Variants in KCTD8 observed in about 807,000 individuals in gnomAD.
KCTD8 encodes BTB/POZ domain-containing protein KCTD8.
A neutral mutation model predicts 31.5 loss-of-function variants in KCTD8; 27 were observed. The ratio of observed to expected loss-of-function variants is 0.86; its 90% confidence interval spans 0.63 to 1.18. The LOEUF (loss-of-function observed/expected upper bound fraction) is 1.18, where lower values mean the gene tolerates loss of function less well. Among genes scored for constraint, KCTD8 ranks in the 50% most tolerant of loss-of-function variants. The pLI is 0.00. For synonymous variants in KCTD8, 290 were observed against 280.0 expected, an observed-to-expected ratio of 1.04 and a Z score of -0.36; for missense variants, 658 against 647.7, an observed-to-expected ratio of 1.02 and a Z score of -0.17.
At chr4:44,339,253 C>T (rs1433950776) in intron 1 of KCTD8, among the ~76,000 whole-genome samples, 2 of 152,008 alleles carry the variant, frequency 1.3e-5, no homozygotes, top group Admixed American at 1.3e-4. Context: ...AGAAGAATCC[C>T]TCAAATCACA....
intron 1 of KCTD8, among the ~76,000 whole-genome samples, chr4:44,400,886 G>T (rs1720633725): frequency 6.6e-6 from 1 of 151,790 alleles, no homozygotes; most frequent in African/African-American, 2.4e-5. Flanking sequence ...ATCCAGGCTG[G>T]ACTACAGTGG....
At chr4:44,389,576 G>A (rs1270250179) in intron 1 of KCTD8, among the ~76,000 whole-genome samples, 1 of 151,758 alleles carries the variant, frequency 6.6e-6, no homozygotes, top group African/African-American at 2.4e-5. Flanking sequence ...GTGGTTGCCA[G>A]GAGCTGGGGG....
chr4:44,371,810 T>C, intron 1 of KCTD8, among the ~76,000 whole-genome samples: 1 of 152,128 alleles, frequency 6.6e-6, no homozygotes, highest in Non-Finnish European at 1.5e-5. Context: ...TGAATATATC[T>C]CATTTGTTAG....
chr4:44,217,938 A>G lies in KCTD8; in HGVS notation c.962-42688T>C, dbSNP rs141904053. ...GGCTTCTTTCTCCCTCAGCTTTCAG[A>G]TGGCTTACCATGGGACTTCACCTTG... is the stretch of plus-strand genomic sequence containing the variant. On this transcript the variant is annotated intron_variant, in intron 1 of 1. Coordinates refer to ENST00000360029, the MANE Select transcript of KCTD8 (RefSeq NM_198353.3). 9.9e-4 allele frequency among the ~76,000 whole-genome samples: 150 copies of G among 152,010 alleles called. 2 individuals carry two copies. The East Asian group carries it at 0.029, about 29-fold the overall frequency.
chr4:44,371,823 A>G (rs927665402), intron 1 of KCTD8, among the ~76,000 whole-genome samples: 2 of 152,154 alleles, frequency 1.3e-5, no homozygotes, highest in Non-Finnish European at 2.9e-5. Flanking sequence ...TTTGTTAGGT[A>G]TCCAAAAGCA....
intron 1 of KCTD8, among the ~76,000 whole-genome samples, chr4:44,272,258 T>C (rs531935144): frequency 1.3e-5 from 2 of 151,786 alleles, no homozygotes; most frequent in East Asian, 1.9e-4. Context: ...AAAGTAACTA[T>C]ACAAAAATTA....
At chr4:44,269,770 G>A (rs1307105925) in intron 1 of KCTD8, among the ~76,000 whole-genome samples, 2 of 152,072 alleles carry the variant, frequency 1.3e-5, no homozygotes, top group Non-Finnish European at 2.9e-5. Flanking sequence ...CATTTATGCA[G>A]CCAACAGACA....
intron 1 of KCTD8, among the ~76,000 whole-genome samples, chr4:44,415,380 G>T (rs1485209410): frequency 6.6e-6 from 1 of 152,144 alleles, no homozygotes; most frequent in Non-Finnish European, 1.5e-5. Context: ...CAAGCAGGCT[G>T]CAGAGAAACC....
At chr4:44,391,840 A>G (rs573461030) in intron 1 of KCTD8, among the ~76,000 whole-genome samples, 1 of 152,098 alleles carries the variant, frequency 6.6e-6, no homozygotes, top group African/African-American at 2.4e-5. Context: ...TATAATGAGT[A>G]GACAAAGTTA....
intron 1 of KCTD8, among the ~76,000 whole-genome samples, chr4:44,323,418 T>C (rs559374958): frequency 6.6e-6 from 1 of 151,126 alleles, no homozygotes; most frequent in South Asian, 2.1e-4. Flanking sequence ...CCCTTGAACG[T>C]AGGAGGCAGA....
chr4:44,283,608 A>T (rs962412875), intron 1 of KCTD8, among the ~76,000 whole-genome samples: 3 of 152,180 alleles, frequency 2.0e-5, no homozygotes, highest in African/African-American at 4.8e-5. Flanking sequence ...CCTAGATGAC[A>T]GCACATCTGT....
intron 1 of KCTD8, among the ~76,000 whole-genome samples, chr4:44,399,455 T>G (rs1056511923): frequency 7.2e-5 from 11 of 152,030 alleles, no homozygotes; most frequent in Non-Finnish European, 1.3e-4. Flanking sequence ...AGACTAAGGA[T>G]GTAAGCAAGA....
At chr4:44,406,398 G>T (rs1244353807) in intron 1 of KCTD8, among the ~76,000 whole-genome samples, 1 of 152,094 alleles carries the variant, frequency 6.6e-6, no homozygotes, top group African/African-American at 2.4e-5. Context: ...GGTCCAGGTG[G>T]GAGATAATTT....
intron 1 of KCTD8, among the ~76,000 whole-genome samples, chr4:44,257,332 A>G (rs1716019172): frequency 6.6e-6 from 1 of 152,002 alleles, no homozygotes; most frequent in Admixed American, 6.6e-5. Context: ...TTAAATTAAA[A>G]TGATTTAGAA....
At chr4:44,355,313 A>G (rs1719314787) in intron 1 of KCTD8, among the ~76,000 whole-genome samples, 1 of 152,172 alleles carries the variant, frequency 6.6e-6, no homozygotes, top group Non-Finnish European at 1.5e-5. Context: ...ATTGATTACT[A>G]AACTATGCAG....
At chr4:44,359,189 G>A (rs1719434452) in intron 1 of KCTD8, among the ~76,000 whole-genome samples, 1 of 151,684 alleles carries the variant, frequency 6.6e-6, no homozygotes, top group Non-Finnish European at 1.5e-5. Context: ...TGTCAATTTT[G>A]TCTTTTGTTG....
At chr4:44,267,720 T>C (rs942453941) in intron 1 of KCTD8, among the ~76,000 whole-genome samples, 1 of 152,122 alleles carries the variant, frequency 6.6e-6, no homozygotes, top group Non-Finnish European at 1.5e-5. Flanking sequence ...ATATCACCAC[T>C]GATCCCACAG....
intron 1 of KCTD8, among the ~76,000 whole-genome samples, chr4:44,236,585 A>C (rs568853047): frequency 4.1e-4 from 63 of 152,310 alleles, no homozygotes; most frequent in Middle Eastern, 3.4e-3. Flanking sequence ...CATAAAACAA[A>C]AAAAAAAGTG....
chr4:44,296,767 AT>A (rs886393762), intron 1 of KCTD8, among the ~76,000 whole-genome samples: 4 of 151,592 alleles, frequency 2.6e-5, no homozygotes, highest in African/African-American at 4.8e-5. Flanking sequence ...AGTTTCTGTG[AT>A]TTTTTTTGAA....
Sources: gnomAD v4.1 joint callset for allele counts (sites outside exome capture counted in the v4.1 genomes callset) on GRCh38, gnomAD v4.1.1 for gene constraint, MANE v1.5 for transcripts, NCBI Gene and HGNC (gene_info 2026-07-23, HGNC 2026-07-21) for gene names.